Variants in PLCD1 observed in about 807,000 individuals in gnomAD.
The protein encoded by PLCD1 is phospholipase C delta 1.
In PLCD1, 71 loss-of-function variants were observed where a neutral mutation model predicts 87.4. The ratio of observed to expected loss-of-function variants is 0.81; its 90% CI spans 0.67 to 0.99. The LOEUF is 0.99. PLCD1 is among the 50% of genes least tolerant of loss of function. PLCD1 has a pLI of 0.00. For synonymous variants in PLCD1, 348 were observed against 399.2 expected (o/e 0.87, Z 1.53); for missense variants, 867 against 1,001.5 (o/e 0.87, Z 1.81).
rs182085888 is a variant in PLCD1, at chr3:38,013,305, C to T, written c.429-1632G>A. On this transcript the variant is annotated intron_variant, in intron 3 of 14. Transcript: ENST00000334661. ...TTGGCTCACTGCAAGCTCCGCCTCC[C>T]GGGATCACGCCATTCTCCTGCCTCA... Among the ~76,000 whole-genome samples, 774 of 151,744 alleles carry T rather than the reference C, an allele frequency of 5.1e-3. 7 individuals carry two copies. The highest frequency in any genetic ancestry group is 0.018 in the African/African-American group (737 of 41,314).
rs779964808 is a variant in PLCD1, at chr3:38,010,253, A to T, written c.1015T>A (p.Cys339Ser). ...YIRALCKGCR[C>S]LELDCWDGPN... Reference sequence around the variant, plus strand: ...CCGTCCCAGCAGTCAAGCTCCAGGCATCGGCAGCCTTTGCACAGTGCCCTG... The same window carrying T: ...CCGTCCCAGCAGTCAAGCTCCAGGCTTCGGCAGCCTTTGCACAGTGCCCTG... Residue 339 changes from cysteine (C) to serine (S), a missense_variant, in exon 7 of 15, where the codon TGC becomes AGC. Transcript: ENST00000334661. The T allele has an allele frequency of 1.2e-6, 2 of 1,614,244 alleles. No homozygotes were observed. Among genetic ancestry groups the T allele is most frequent in the South Asian group, 2.2e-5 (2 of 91,092 alleles).
At chr3:38,012,254 C>G (rs996895147) in intron 3 of PLCD1, among the ~76,000 whole-genome samples, 1 of 151,444 alleles carries the variant, frequency 6.6e-6, no homozygotes, top group African/African-American at 2.4e-5. Context: ...AAGCAATCCT[C>G]CTGCTTTGAC....
At chr3:38,009,538 G>A in intron 9 of PLCD1, 107 bp from the exon 10 acceptor site, 3 of 1,549,424 alleles carry the variant, frequency 1.9e-6, no homozygotes, top group South Asian at 1.1e-5. Flanking sequence ...CAGACAGAGA[G>A]AGCGGGGCAG....
At position 38,007,510 on chromosome 3, in the gene PLCD1, A is replaced by AT. The variant is rs1433618985; in HGVS notation, c.*262dup. The AT allele has an allele frequency of 4.6e-6, 3 of 650,124 alleles. No individual in the cohort carries two copies. The highest frequency in any genetic ancestry group is 2.9e-5 in the East Asian group (1 of 34,354). 40.3% of individuals were successfully genotyped at this position (650,124 alleles called of 1,614,324 possible). A position where few individuals can be genotyped will look rare whatever the true frequency, so the allele number is the denominator to read the frequency against. On this transcript the variant is annotated 3_prime_UTR_variant, in exon 15 of 15. Coordinates refer to ENST00000334661, the MANE Select transcript of PLCD1 (RefSeq NM_006225.4). ...GACCACAAGGCTTAATCTTATCGTG[A>AT]TTTTTATAAAAATCCTTGACCACTC...
rs1197898815 is a variant in PLCD1 at position 38,010,481 on chromosome 3, T to C, written c.872A>G (p.His291Arg). 1.9e-6 allele frequency: 3 copies of C among 1,611,986 alleles called. No individual in the cohort carries two copies. The highest frequency in any genetic ancestry group is 2.5e-6 in the Non-Finnish European group (3 of 1,178,102). Reference sequence around the variant, plus strand: ...GCCCATGTCCTGGTAGACACGGCGGTGTGCCAGGCTGAAGGCGCTGCCGTC... The same window carrying C: ...GCCCATGTCCTGGTAGACACGGCGGCGTGCCAGGCTGAAGGCGCTGCCGTC... ...SADGSAFSLAHRRVYQDMGQP... is the reference protein window; with the variant it reads ...SADGSAFSLARRRVYQDMGQP... Residue 291 changes from histidine to arginine, a missense_variant, in exon 6 of 15, where the codon CAC becomes CGC. His to Arg is a conservative substitution (Grantham distance 29). Transcript: ENST00000334661.
At chr3:38,016,163 G>C (rs1700151206) in intron 3 of PLCD1, among the ~76,000 whole-genome samples, 1 of 152,122 alleles carries the variant, frequency 6.6e-6, no homozygotes, top group Non-Finnish European at 1.5e-5. Flanking sequence ...TGAGGGTGGG[G>C]CACCCGCGCT....
intron 1 of PLCD1, chr3:38,024,539 G>C (rs770370307): frequency 1.7e-5 from 25 of 1,513,008 alleles, no homozygotes; most frequent in Admixed American, 4.0e-5. Context: ...GGGCGGAACT[G>C]TCGCCCTTGG....
chr3:38,018,040 C>A lies in PLCD1; in HGVS notation c.200-1321G>T, dbSNP rs138762281. 0.012 allele frequency among the ~76,000 whole-genome samples: 1,855 copies of A among 152,292 alleles called. 19 individuals carry two copies. The highest frequency in any genetic ancestry group is 0.019 in the Non-Finnish European group (1,311 of 68,018). On this transcript the variant is annotated intron_variant, in intron 2 of 14. Transcript: ENST00000334661. This position sits in a 1 kb window ranked among gnomAD's most constrained non-coding sequence, Gnocchi z 5.7. ...CCCACACAGAGAGAAAGTCCAGATGCCTTCACTGCTGATAACACCTTTGGC... is the reference window on the plus strand; with the variant it reads ...CCCACACAGAGAGAAAGTCCAGATGACTTCACTGCTGATAACACCTTTGGC...
chr3:38,019,963 C>T (rs1559376595), intron 2 of PLCD1, among the ~76,000 whole-genome samples: 1 of 152,218 alleles, frequency 6.6e-6, no homozygotes, highest in Non-Finnish European at 1.5e-5. Context: ...CCAGTCCAGA[C>T]TAGGCTTCAA....
At chr3:38,029,485 T>C in intron 1 of PLCD1, 21 bp downstream of exon 1, 3 of 1,537,804 alleles carry the variant, frequency 2.0e-6, no homozygotes, top group Non-Finnish European at 2.6e-6. Context: ...GGTCTCCCGC[T>C]CGCGCGGGCC....
intron 8 of PLCD1, 43 bp from the exon 9 acceptor site, chr3:38,009,854 C>G: frequency 6.2e-7 from 1 of 1,609,280 alleles, no homozygotes; most frequent in Middle Eastern, 1.7e-4. Flanking sequence ...CCTAGCGCCC[C>G]GGCTAGGCTC....
chr3:38,024,321 G>GTT (rs1559378234), intron 1 of PLCD1: 1 of 1,608,878 alleles, frequency 6.2e-7, no homozygotes, highest in South Asian at 1.1e-5. Flanking sequence ...ATCTCGGAGT[G>GTT]CTCTGCGCCC....
chr3:38,013,481 G>A (rs935882437), intron 3 of PLCD1, among the ~76,000 whole-genome samples: 2 of 152,142 alleles, frequency 1.3e-5, no homozygotes. Flanking sequence ...CCAAAGTGCT[G>A]GGATTACAGG....
chr3:38,009,472 G>A (rs749837132), intron 9 of PLCD1, 41 bp from the exon 10 acceptor site: 1 of 1,608,656 alleles, frequency 6.2e-7, no homozygotes, highest in Non-Finnish European at 8.5e-7. Flanking sequence ...TCAGTGGTTG[G>A]GGTAGGGTAG....
intron 3 of PLCD1, among the ~76,000 whole-genome samples, chr3:38,012,926 CAG>C (rs985632257): frequency 5.9e-4 from 89 of 152,116 alleles, no homozygotes; most frequent in African/African-American, 2.1e-3. Context: ...TTTTTTGAGA[CAG>C]GGTCTCGCTC....
At position 38,028,791 on chromosome 3, in the gene PLCD1, C is replaced by T. The variant is rs142374304; in HGVS notation, c.34+715G>A. Among the ~76,000 whole-genome samples the T allele has an allele frequency of 9.9e-3, 1,511 of 152,304 alleles. 11 individuals carry two copies. The highest frequency in any genetic ancestry group is 0.017 in the Non-Finnish European group (1,126 of 68,022). On this transcript the variant is annotated intron_variant, in intron 1 of 14. Transcript: ENST00000334661. The stretch of plus-strand genomic sequence containing the variant: ...TGCCTTCGGGAGCCCAGGCTCCCCT[C>T]GCTGCTGGAGGGACAGCGAAAGGGC...
At chr3:38,015,298 T>C (rs9757512) in intron 3 of PLCD1, among the ~76,000 whole-genome samples, 113,393 of 152,182 alleles carry the variant, frequency 0.75, 43,071 homozygotes, top group African/African-American at 0.9. Flanking sequence ...CATGGATGAA[T>C]ATTGCAAACA....
rs921834759 is a variant in PLCD1, at chr3:38,011,341, G to A, written c.663C>T (p.Ala221=). ...RVEIDRTFAE[A]AGSGETLSVD... ...CCGACAGAGTCTCCCCTGAGCCCGC[G>A]GCCTCGGCGAAGGTGCGGTCGATCT... The change falls in exon 5 of 15, where the codon GCC becomes GCT. Residue 221 remains alanine (A), a synonymous_variant. Coordinates refer to ENST00000334661, the MANE Select transcript of PLCD1 (RefSeq NM_006225.4). 25 of 1,612,438 alleles carry A rather than the reference G, an allele frequency of 1.6e-5. No individual in the cohort carries two copies. Among genetic ancestry groups the A allele is most frequent in the East Asian group, 1.3e-4 (6 of 44,898 alleles).
At position 38,008,123 on chromosome 3, in the gene PLCD1, T is replaced by C. The variant is rs763579144; in HGVS notation, c.2076A>G (p.Val692=). 24 of 1,613,858 alleles carry C rather than the reference T, an allele frequency of 1.5e-5. No homozygotes were observed. Among genetic ancestry groups the C allele is most frequent in the African/African-American group, 2.7e-5 (2 of 74,880 alleles). The change falls in exon 14 of 15, where the codon GTA becomes GTG. Residue 692 remains valine (V), a synonymous_variant. Transcript: ENST00000334661. ...PWWDTEFAFE[V]VVPDLALIRF... is the part of the protein sequence containing the mutation. The stretch of plus-strand genomic sequence containing the variant: ...GGATGAGGGCAAGGTCAGGCACAAC[T>C]ACCTCAAACGCAAACTCCGTGTCCC...
Sources: allele counts gnomAD v4.1 joint callset (sites outside exome capture counted in the v4.1 genomes callset), GRCh38; gene constraint gnomAD v4.1.1; non-coding constraint Gnocchi (gnomAD v3.1); transcripts MANE v1.5; gene names NCBI Gene and HGNC (gene_info 2026-07-23, HGNC 2026-07-21).